The following RBFOX1 variants were observed in gnomAD, a reference collection of about 807,000 sequenced individuals.
RBFOX1 encodes RNA binding fox-1 homolog 1.
Under a neutral mutation model 57.7 loss-of-function variants are expected in RBFOX1, and 8 were observed. The observed-to-expected ratio is 0.14, with a 90% CI of 0.08 to 0.25. The LOEUF (loss-of-function observed/expected upper bound fraction) is 0.25. Among genes scored for constraint, RBFOX1 ranks in the 10% least tolerant of loss-of-function variants. The pLI is 1.00. For missense variants in RBFOX1, 611 were observed against 548.5 expected, an observed-to-expected ratio of 1.11 and a Z score of -1.14; for synonymous variants, 326 against 222.4, an observed-to-expected ratio of 1.47 and a Z score of -4.15.
At chr16:7,022,231 T>G (rs934144327) in intron 3 of RBFOX1, among the ~76,000 whole-genome samples, 1 of 150,284 alleles carries the variant, frequency 6.7e-6, no homozygotes, top group African/African-American at 2.5e-5. Context: ...TTTGTATTCT[T>G]TGGTAGAGAC....
At chr16:6,786,471 A>C (rs1408611689) in intron 3 of RBFOX1, among the ~76,000 whole-genome samples, 1 of 152,180 alleles carries the variant, frequency 6.6e-6, no homozygotes, top group Non-Finnish European at 1.5e-5. Context: ...CAGAAAAATA[A>C]CAACAAAGAG....
chr16:6,898,028 G>C (rs998303474), intron 3 of RBFOX1, among the ~76,000 whole-genome samples: 2 of 152,138 alleles, frequency 1.3e-5, no homozygotes, highest in African/African-American at 4.8e-5. Flanking sequence ...ACCAGGTCAG[G>C]TTTTTCCTTT....
chr16:6,034,688 A>C (rs1174671456), intron 1 of RBFOX1, among the ~76,000 whole-genome samples: 1 of 152,158 alleles, frequency 6.6e-6, no homozygotes, highest in Non-Finnish European at 1.5e-5. Context: ...CCGTAACAGA[A>C]TGTTTTGCAG....
At chr16:7,024,528 T>C (rs2040303146) in intron 3 of RBFOX1, among the ~76,000 whole-genome samples, 1 of 152,170 alleles carries the variant, frequency 6.6e-6, no homozygotes, top group African/African-American at 2.4e-5. Flanking sequence ...AAAAATTCTT[T>C]GTAGATGTTA....
At chr16:6,454,337 T>C (rs1214120375) in intron 2 of RBFOX1, among the ~76,000 whole-genome samples, 1 of 152,062 alleles carries the variant, frequency 6.6e-6, no homozygotes, top group Non-Finnish European at 1.5e-5. Context: ...CAGGTGAATC[T>C]CTTAAGCCCA....
chr16:5,603,991 C>G (rs1015729407), downstream of RBFOX1, among the ~76,000 whole-genome samples: 1 of 152,116 alleles, frequency 6.6e-6, no homozygotes, highest in Admixed American at 6.5e-5. Flanking sequence ...CTCCTATACC[C>G]AAGGCAGACA....
At chr16:5,941,306 G>A (rs184882331) in intron 4 of RBFOX1, among the ~76,000 whole-genome samples, 1 of 151,910 alleles carries the variant, frequency 6.6e-6, no homozygotes, top group African/African-American at 2.4e-5. Context: ...CCTGGGCAAC[G>A]TAGTGAGATC....
intron 2 of RBFOX1, among the ~76,000 whole-genome samples, chr16:5,570,750 G>C (rs1023202548): frequency 1.3e-5 from 2 of 150,996 alleles, no homozygotes; most frequent in Non-Finnish European, 2.9e-5. Flanking sequence ...TGAGGCATGA[G>C]AATTGCTTGA....
At chr16:6,053,485 C>A (rs1330027595) in intron 1 of RBFOX1, among the ~76,000 whole-genome samples, 1 of 151,988 alleles carries the variant, frequency 6.6e-6, no homozygotes, top group African/African-American at 2.4e-5. Flanking sequence ...TGAATGTAAA[C>A]AAAGAAAATC....
chr16:5,548,123 TG>T (rs1241685657), intron 2 of RBFOX1, among the ~76,000 whole-genome samples: 1 of 143,324 alleles, frequency 7.0e-6, no homozygotes, highest in Non-Finnish European at 1.5e-5. Flanking sequence ...ATTGTGCCAC[TG>T]CATTCCAGCC....
chr16:6,626,363 C>T (rs1601905230), intron 2 of RBFOX1, among the ~76,000 whole-genome samples: 1 of 152,108 alleles, frequency 6.6e-6, no homozygotes, highest in East Asian at 1.9e-4. Context: ...TGTTGCAGGA[C>T]CTGGGAGCTG....
intron 1 of RBFOX1, among the ~76,000 whole-genome samples, chr16:6,265,326 G>C (rs1013919999): frequency 6.6e-6 from 1 of 151,936 alleles, no homozygotes; most frequent in Non-Finnish European, 1.5e-5. Flanking sequence ...CAGTGGTGCA[G>C]TCTCGGCTCA....
At chr16:5,275,495 C>T (rs1191559333) in intron 1 of RBFOX1, among the ~76,000 whole-genome samples, 3 of 152,094 alleles carry the variant, frequency 2.0e-5, no homozygotes, top group African/African-American at 4.8e-5. Flanking sequence ...TGAAATACCC[C>T]TACAAGGAAA....
At chr16:6,819,695 A>C (rs1174292346) in intron 3 of RBFOX1, among the ~76,000 whole-genome samples, 2 of 137,012 alleles carry the variant, frequency 1.5e-5, no homozygotes, top group South Asian at 2.5e-4. Flanking sequence ...ACAAGAGTGA[A>C]ACTCTGACTC....
chr16:6,608,076 T>C (rs2097971229), intron 2 of RBFOX1, among the ~76,000 whole-genome samples: 1 of 152,206 alleles, frequency 6.6e-6, no homozygotes, highest in Non-Finnish European at 1.5e-5. Context: ...TTGAGAGAAA[T>C]TAATGAGACA....
intron 3 of RBFOX1, among the ~76,000 whole-genome samples, chr16:6,866,104 T>A (rs2059865425): frequency 6.6e-6 from 1 of 152,118 alleles, no homozygotes. Context: ...GGAAAATAAT[T>A]CCCCTCTCCT....
chr16:6,041,519 T>C (rs777974693), intron 1 of RBFOX1, among the ~76,000 whole-genome samples: 1 of 152,156 alleles, frequency 6.6e-6, no homozygotes. Context: ...GAGGTCACTC[T>C]CATATTTATC....
chr16:5,346,996 C>CT (rs367661590), intron 1 of RBFOX1, among the ~76,000 whole-genome samples: 2,844 of 147,512 alleles, frequency 0.019, 90 homozygotes, highest in African/African-American at 0.065. Flanking sequence ...TGCCTGGAAA[C>CT]TTTTTTTTTT....
At chr16:6,722,512 A>C (rs867993162) in intron 3 of RBFOX1, among the ~76,000 whole-genome samples, 1 of 70,918 alleles carries the variant, frequency 1.4e-5, no homozygotes, top group South Asian at 9.6e-4. Context: ...ATGTAGATAA[A>C]TACTTGGCAT....
Sources: gnomAD v4.1 joint callset for allele counts (sites outside exome capture counted in the v4.1 genomes callset) on GRCh38, gnomAD v4.1.1 for gene constraint, MANE v1.5 for transcripts, NCBI Gene and HGNC (gene_info 2026-07-23, HGNC 2026-07-21) for gene names.